The following ITGA1 variants were observed in gnomAD, a reference collection of about 807,000 sequenced individuals.
ITGA1 encodes the protein integrin subunit alpha 1, also known as integrin alpha-1.
A neutral mutation model predicts 145.9 loss-of-function variants in ITGA1; 85 were observed. The ratio of observed to expected loss-of-function variants is 0.58; its 90% CI spans 0.49 to 0.70. The LOEUF is 0.70. Ranked by LOEUF, ITGA1 falls within the 30% of genes least tolerant of loss-of-function variation. The pLI is 0.00. For missense variants in ITGA1, 1,351 were observed against 1,418.7 expected (o/e 0.95, Z 0.77); for synonymous variants, 520 against 495.3 (o/e 1.05, Z -0.66).
chr5:52,829,602 T>A (rs1044389220), intron 1 of ITGA1, among the ~76,000 whole-genome samples: 1 of 152,128 alleles, frequency 6.6e-6, no homozygotes, highest in Non-Finnish European at 1.5e-5. Flanking sequence ...TTTCAAAGGA[T>A]ATTTATCTGT....
At chr5:52,942,591 C>T (rs1464370095) in intron 26 of ITGA1, among the ~76,000 whole-genome samples, 9 of 148,426 alleles carry the variant, frequency 6.1e-5, no homozygotes, top group Admixed American at 1.3e-4. Context: ...AGTCCAGTGG[C>T]GCGACCTTGG....
Position 52,920,535 on chromosome 5 carries a change from A to T in ITGA1, c.2292+67A>T, listed in dbSNP as rs577056142. 2.4e-4 allele frequency: 292 copies of T among 1,226,316 alleles called. 3 individuals carry two copies. In the South Asian group the frequency reaches 6.0e-3, roughly 25 times the overall value. The allele number at this position is 1,226,316 out of a possible 1,614,324, so 76.0% of individuals were successfully genotyped here. On this transcript the variant is annotated intron_variant, in intron 17 of 28. Transcript: ENST00000282588. ...GAATACAGTAGAGATGTCTTATTTC[A>T]AGTCAATCAAATTCTTACTGTTTTA...
intron 8 of ITGA1, among the ~76,000 whole-genome samples, chr5:52,890,107 C>T (rs985335740): frequency 3.3e-5 from 5 of 152,104 alleles, no homozygotes; most frequent in Admixed American, 2.0e-4. Flanking sequence ...ACCTACCACC[C>T]AAATTGAGAG....
chr5:52,908,494 T>C (rs1457747608), intron 12 of ITGA1, among the ~76,000 whole-genome samples: 2 of 152,190 alleles, frequency 1.3e-5, no homozygotes, highest in Non-Finnish European at 2.9e-5. Context: ...CCAGGACAAC[T>C]CAGCTCCTTA....
At chr5:52,915,708 C>A in intron 15 of ITGA1, 114 bp downstream of exon 15, 12 of 1,268,596 alleles carry the variant, frequency 9.5e-6, no homozygotes, top group Non-Finnish European at 1.3e-5. Flanking sequence ...TTCCACTATG[C>A]AAATACAAGT....
Position 52,859,799 on chromosome 5 carries a change from C to A in ITGA1, c.183-1648C>A, listed in dbSNP as rs1749570272. The stretch of plus-strand genomic sequence containing the variant: ...TGAGTCATAGTCTCCTAAATACATT[C>A]CATTGTGCATATGTCCCTCTTAATT... On this transcript the variant is annotated intron_variant, in intron 2 of 28. Coordinates refer to ENST00000282588, the MANE Select transcript of ITGA1 (RefSeq NM_181501.2). Among the ~76,000 whole-genome samples, 4 of 152,206 alleles carry A rather than the reference C, an allele frequency of 2.6e-5. No homozygotes were observed. The South Asian group carries it at 8.3e-4, about 32-fold the overall frequency.
intron 24 of ITGA1, 21 bp from the exon 25 acceptor site, chr5:52,939,569 A>T: frequency 6.7e-7 from 1 of 1,490,182 alleles, no homozygotes; most frequent in South Asian, 1.1e-5. Flanking sequence ...TGTCTGATAA[A>T]TGTAATATTT....
intron 26 of ITGA1, 68 bp downstream of exon 26, chr5:52,940,012 T>C: frequency 3.1e-6 from 3 of 953,598 alleles, no homozygotes; most frequent in Admixed American, 1.8e-5. Context: ...CCACTTAGAA[T>C]ATGCAAGGCA....
chr5:52,825,536 T>C (rs1218721588), intron 1 of ITGA1, among the ~76,000 whole-genome samples: 2 of 152,312 alleles, frequency 1.3e-5, no homozygotes, highest in African/African-American at 2.4e-5. Flanking sequence ...TAAGTGTGTG[T>C]GTTCTGACAG....
Position 52,928,961 on chromosome 5 carries a change from G to A in ITGA1, c.2695-664G>A, listed in dbSNP as rs76795102. On this transcript the variant is annotated intron_variant, in intron 20 of 28. Transcript: ENST00000282588. ...AAAGTCAGACAAATGACTTAATTTC[G>A]GCTTTGTGGTGTGGAACTTAAGCAT... Among the ~76,000 whole-genome samples, 153 of 152,172 alleles carry A rather than the reference G, an allele frequency of 1.0e-3. 4 individuals carry two copies. In the East Asian group the frequency reaches 0.026, roughly 26 times the overall value.
chr5:52,946,232 A>G (rs1465747291), intron 27 of ITGA1, among the ~76,000 whole-genome samples: 4 of 152,188 alleles, frequency 2.6e-5, no homozygotes, highest in Admixed American at 6.5e-5. Context: ...ATTGTTTTAC[A>G]TATGTTTAAA....
At chr5:52,899,200 G>C (rs1056061396) in intron 11 of ITGA1, among the ~76,000 whole-genome samples, 4 of 152,190 alleles carry the variant, frequency 2.6e-5, no homozygotes, top group Admixed American at 2.6e-4. Context: ...CCTTGGCCTG[G>C]AAGCATTCAC....
intron 6 of ITGA1, 47 bp from the exon 7 acceptor site, chr5:52,881,826 C>G (rs747207516): frequency 6.5e-7 from 1 of 1,542,786 alleles, no homozygotes; most frequent in African/African-American, 1.4e-5. Context: ...GAAATCTGAA[C>G]AGGAAATTTG....
chr5:52,843,928 T>C (rs1188403212), intron 1 of ITGA1, among the ~76,000 whole-genome samples: 1 of 152,130 alleles, frequency 6.6e-6, no homozygotes, highest in Non-Finnish European at 1.5e-5. Flanking sequence ...ATTGAATAGC[T>C]CAATATCATT....
chr5:52,802,499 T>A (rs921289526), intron 1 of ITGA1: 2 of 152,198 alleles, frequency 1.3e-5, no homozygotes, highest in African/African-American at 4.8e-5. Context: ...GTAACTTAAA[T>A]CAGTTATTTT....
At chr5:52,881,259 GC>G (rs1561235950) in intron 6 of ITGA1, among the ~76,000 whole-genome samples, 1 of 152,128 alleles carries the variant, frequency 6.6e-6, no homozygotes, top group Non-Finnish European at 1.5e-5. Context: ...TTTCCTCACA[GC>G]CCTGGCCATG....
chr5:52,906,949 A>G (rs1750418156), intron 12 of ITGA1, among the ~76,000 whole-genome samples: 1 of 152,220 alleles, frequency 6.6e-6, no homozygotes, highest in South Asian at 2.1e-4. Context: ...CCATAGACAT[A>G]GCTTCCAGGG....
intron 1 of ITGA1, among the ~76,000 whole-genome samples, chr5:52,824,152 C>G (rs1051813034): frequency 1.3e-5 from 2 of 152,014 alleles, no homozygotes; most frequent in African/African-American, 4.8e-5. Context: ...TTATAAGTCA[C>G]TTACCAAAGG....
At chr5:52,892,652 T>C (rs1427158314) in intron 8 of ITGA1, among the ~76,000 whole-genome samples, 1 of 152,188 alleles carries the variant, frequency 6.6e-6, no homozygotes, top group Non-Finnish European at 1.5e-5. Context: ...AATGCTACTC[T>C]GCAATAGAAA....
Sources: allele counts gnomAD v4.1 joint callset (sites outside exome capture counted in the v4.1 genomes callset), GRCh38; gene constraint gnomAD v4.1.1; transcripts MANE v1.5; gene names NCBI Gene and HGNC (gene_info 2026-07-23, HGNC 2026-07-21).